The following IGF2BP3 variants were observed in gnomAD, a reference collection of about 807,000 sequenced individuals.
IGF2BP3 encodes insulin-like growth factor 2 mRNA-binding protein 3.
In IGF2BP3, 9 loss-of-function variants were observed where a neutral mutation model predicts 73.8. The observed-to-expected ratio is 0.12, with a 90% confidence interval of 0.07 to 0.21. IGF2BP3 has a LOEUF of 0.21. IGF2BP3 is among the 10% of genes least tolerant of loss of function. The probability of loss-of-function intolerance (pLI) is 1.00; values close to 1 mark genes in which losing one functional copy is unlikely to be tolerated. For synonymous variants in IGF2BP3, 258 were observed against 256.7 expected (o/e 1.01, Z -0.05); for missense variants, 542 against 714.0 (o/e 0.76, Z 2.75).
At chr7:23,353,226 C>A (rs1379130010) in intron 5 of IGF2BP3, among the ~76,000 whole-genome samples, 2 of 152,102 alleles carry the variant, frequency 1.3e-5, no homozygotes, top group Non-Finnish European at 2.9e-5. Flanking sequence ...GTGGTCATTT[C>A]CGGCTTATAC....
At chr7:23,373,002 C>T (rs1785605681) in intron 3 of IGF2BP3, among the ~76,000 whole-genome samples, 1 of 152,138 alleles carries the variant, frequency 6.6e-6, no homozygotes, top group Admixed American at 6.5e-5. Flanking sequence ...ATCACTTGGT[C>T]TAATAAGTTG....
intron 11 of IGF2BP3, among the ~76,000 whole-genome samples, chr7:23,318,328 T>C (rs527565355): frequency 6.6e-6 from 1 of 152,182 alleles, no homozygotes; most frequent in Admixed American, 6.5e-5. Flanking sequence ...GCTCAAGTGT[T>C]CCTCCCACCT....
intron 10 of IGF2BP3, among the ~76,000 whole-genome samples, chr7:23,339,121 G>A (rs1784646025): frequency 6.6e-6 from 1 of 152,236 alleles, no homozygotes; most frequent in East Asian, 1.9e-4. Context: ...GGCAGCTTCT[G>A]CAACTTCTGT....
chr7:23,462,391 T>G (rs1366799555), intron 2 of IGF2BP3, among the ~76,000 whole-genome samples: 5 of 151,778 alleles, frequency 3.3e-5, no homozygotes, highest in Admixed American at 2.6e-4. Flanking sequence ...AGACGGAGTC[T>G]TGCTCTGTCA....
chr7:23,352,877 T>A (rs532066237), intron 5 of IGF2BP3, among the ~76,000 whole-genome samples: 8 of 152,348 alleles, frequency 5.3e-5, no homozygotes, highest in East Asian at 3.9e-4. Flanking sequence ...TAATTTATTG[T>A]AATATTCATC....
intron 3 of IGF2BP3, among the ~76,000 whole-genome samples, chr7:23,394,984 T>C (rs1001085813): frequency 1.3e-5 from 2 of 152,190 alleles, no homozygotes; most frequent in African/African-American, 4.8e-5. Context: ...GGCATCAGAT[T>C]TGCTGAGAAA....
chr7:23,410,837 C>T (rs1786994752), intron 3 of IGF2BP3, among the ~76,000 whole-genome samples: 1 of 152,148 alleles, frequency 6.6e-6, no homozygotes, highest in African/African-American at 2.4e-5. Flanking sequence ...TCTGTTAGAG[C>T]AACCTGATTA....
At chr7:23,332,687 C>G (rs775736924) in intron 10 of IGF2BP3, among the ~76,000 whole-genome samples, 12 of 152,182 alleles carry the variant, frequency 7.9e-5, no homozygotes, top group Non-Finnish European at 1.6e-4. Context: ...TAACTCACAG[C>G]CCCCAGTGTG....
intron 3 of IGF2BP3, among the ~76,000 whole-genome samples, chr7:23,366,274 A>T (rs919671006): frequency 2.6e-5 from 4 of 152,006 alleles, no homozygotes; most frequent in Non-Finnish European, 5.9e-5. Flanking sequence ...AGTAGCTGGG[A>T]TTACAGGCAC....
At chr7:23,466,470 G>C (rs1032650381) in intron 2 of IGF2BP3, among the ~76,000 whole-genome samples, 1 of 152,204 alleles carries the variant, frequency 6.6e-6, no homozygotes, top group African/African-American at 2.4e-5. Flanking sequence ...TAATGAACTT[G>C]AAAATTCAAT....
intron 3 of IGF2BP3, among the ~76,000 whole-genome samples, chr7:23,390,528 G>A (rs945120484): frequency 4.6e-5 from 7 of 152,158 alleles, no homozygotes; most frequent in African/African-American, 1.4e-4. Context: ...AGCTCGTTAG[G>A]AGTAGCTGGT....
chr7:23,395,621 A>G lies in IGF2BP3; in HGVS notation c.285+23155T>C, dbSNP rs1786428463. ...TACCCCCACCCCCCCAAAAAAAGAA[A>G]AAAATTAACTGAAAAACCAACAGGC... On this transcript the variant is annotated intron_variant, in intron 3 of 14. Coordinates refer to ENST00000258729, the MANE Select transcript of IGF2BP3 (RefSeq NM_006547.3). Among the ~76,000 whole-genome samples, 5 of 151,516 alleles carry G rather than the reference A, an allele frequency of 3.3e-5. No individual in the cohort carries two copies. The South Asian group carries it at 1.1e-3, about 32-fold the overall frequency.
chr7:23,410,145 G>T (rs1261487234), intron 3 of IGF2BP3, among the ~76,000 whole-genome samples: 1 of 152,040 alleles, frequency 6.6e-6, no homozygotes, highest in Admixed American at 6.5e-5. Context: ...CTCCAGCCTG[G>T]GTGACAGAGC....
At chr7:23,330,290 A>T (rs1055756264) in intron 10 of IGF2BP3, among the ~76,000 whole-genome samples, 3 of 149,708 alleles carry the variant, frequency 2.0e-5, no homozygotes, top group Non-Finnish European at 4.4e-5. Flanking sequence ...TGTCTCAAAA[A>T]AATAAAATAA....
At chr7:23,465,527 C>CCT (rs1049187893) in intron 2 of IGF2BP3, among the ~76,000 whole-genome samples, 2 of 151,962 alleles carry the variant, frequency 1.3e-5, no homozygotes, top group South Asian at 2.1e-4. Context: ...AAAGGGTCCC[C>CCT]CCCCAAGCTC....
rs537813624 is a variant in IGF2BP3, at chr7:23,368,150, C to T, written c.286-6409G>A. ...ATAATAGTCTGAAGTAGAAACAACCCGAATGAATGCTTACTGACTGATGAA... is the reference window on the plus strand; with the variant it reads ...ATAATAGTCTGAAGTAGAAACAACCTGAATGAATGCTTACTGACTGATGAA... On this transcript the variant is annotated intron_variant, in intron 3 of 14. Transcript: ENST00000258729. Among the ~76,000 whole-genome samples the T allele has an allele frequency of 3.3e-5, 5 of 152,084 alleles. No individual in the cohort carries two copies. The East Asian group carries it at 9.6e-4, about 29-fold the overall frequency.
At chr7:23,396,144 C>T (rs1786453779) in intron 3 of IGF2BP3, among the ~76,000 whole-genome samples, 1 of 151,772 alleles carries the variant, frequency 6.6e-6, no homozygotes, top group East Asian at 1.9e-4. Flanking sequence ...TCCACACCAG[C>T]CATTGTTCTG....
chr7:23,379,537 AACAGGG>A (rs1403594522), intron 3 of IGF2BP3, among the ~76,000 whole-genome samples: 4 of 152,200 alleles, frequency 2.6e-5, no homozygotes, highest in African/African-American at 4.8e-5. Flanking sequence ...TTTAATGAGT[AACAGGG>A]GTCCATTAAT....
At chr7:23,367,338 A>G (rs993152891) in intron 3 of IGF2BP3, among the ~76,000 whole-genome samples, 1 of 151,910 alleles carries the variant, frequency 6.6e-6, no homozygotes, top group African/African-American at 2.4e-5. Context: ...TACCTGTCAC[A>G]TAAGCTACTT....
Sources: allele counts gnomAD v4.1 joint callset (sites outside exome capture counted in the v4.1 genomes callset), GRCh38; gene constraint gnomAD v4.1.1; transcripts MANE v1.5; gene names NCBI Gene and HGNC (gene_info 2026-07-23, HGNC 2026-07-21).